The following OPCML variants were observed in gnomAD, a reference collection of about 807,000 sequenced individuals.
OPCML encodes opioid binding protein/cell adhesion molecule like.
In OPCML, 13 loss-of-function variants were observed where a neutral mutation model predicts 37.8. That is an observed-to-expected ratio of 0.34 (90% CI 0.22 to 0.55). OPCML has a LOEUF of 0.55. Ranked by LOEUF, OPCML falls within the 20% of genes least tolerant of loss-of-function variation. OPCML has a pLI of 0.91. For missense variants in OPCML, 341 were observed against 435.6 expected, an observed-to-expected ratio of 0.78 and a Z score of 1.93; for synonymous variants, 176 against 168.8, an observed-to-expected ratio of 1.04 and a Z score of -0.33.
At chr11:132,818,643 A>AGTGT (rs200336925) in intron 2 of OPCML, among the ~76,000 whole-genome samples, 1,133 of 53,220 alleles carry the variant, frequency 0.021, 27 homozygotes, top group Non-Finnish European at 0.023. Flanking sequence ...GATAGATATG[A>AGTGT]GTGTATATAT....
chr11:133,483,802 TA>T lies in OPCML; in HGVS notation c.61+48461del, dbSNP rs140090963. On this transcript the variant is annotated intron_variant, in intron 1 of 7. Coordinates refer to ENST00000524381, the MANE Select transcript of OPCML (RefSeq NM_001012393.5). ...GATGGATAGATACATAGATGATAGATAGATAGATAGATAGATAGATAGATAG... is the reference window on the plus strand; with the variant it reads ...GATGGATAGATACATAGATGATAGATGATAGATAGATAGATAGATAGATAG... 4.0e-5 allele frequency among the ~76,000 whole-genome samples: 3 copies of T among 74,746 alleles called. No homozygotes were observed. In the African/African-American group the frequency reaches 4.2e-4, roughly 11 times the overall value. 49.0% of individuals were successfully genotyped at this position (74,746 alleles called of 152,430 possible). A position where few individuals can be genotyped will look rare whatever the true frequency, so the allele number is the denominator to read the frequency against.
intron 1 of OPCML, among the ~76,000 whole-genome samples, chr11:133,133,948 A>T (rs2137143160): frequency 6.6e-6 from 1 of 152,282 alleles, no homozygotes; most frequent in Middle Eastern, 3.4e-3. Context: ...ATCCAATATC[A>T]CACGGGACAA....
intron 1 of OPCML, chr11:133,298,531 A>G (rs1942690783): frequency 6.6e-6 from 1 of 152,220 alleles, no homozygotes; most frequent in Non-Finnish European, 1.5e-5. Context: ...AGAGGATGCC[A>G]TCCCTACAAT....
At chr11:132,749,705 C>T (rs1164792605) in intron 2 of OPCML, among the ~76,000 whole-genome samples, 1 of 151,988 alleles carries the variant, frequency 6.6e-6, no homozygotes, top group Non-Finnish European at 1.5e-5. Context: ...GAACTGAGCT[C>T]TGAGAAATCC....
chr11:132,721,569 A>T (rs1294661575), intron 2 of OPCML, among the ~76,000 whole-genome samples: 3 of 152,158 alleles, frequency 2.0e-5, no homozygotes, highest in African/African-American at 7.2e-5. Flanking sequence ...GCAGAATATT[A>T]AGCAGAGAAG....
intron 1 of OPCML, among the ~76,000 whole-genome samples, chr11:132,980,575 A>G (rs1015269028): frequency 6.6e-6 from 1 of 152,214 alleles, no homozygotes; most frequent in Non-Finnish European, 1.5e-5. Context: ...GTTAGCAAGG[A>G]ATGCACTTGA....
At chr11:132,769,113 A>C (rs1418808845) in intron 2 of OPCML, among the ~76,000 whole-genome samples, 1 of 114,642 alleles carries the variant, frequency 8.7e-6, no homozygotes, top group African/African-American at 3.4e-5. Context: ...CACCACTGGG[A>C]ACGGGAAAGG....
rs993752318 is a variant in OPCML, at chr11:133,293,937, A to C, written c.61+238327T>G. On this transcript the variant is annotated intron_variant, in intron 1 of 7. Coordinates refer to ENST00000524381, the MANE Select transcript of OPCML (RefSeq NM_001012393.5). The stretch of plus-strand genomic sequence containing the variant: ...ACACACACACACACACACACACACA[A>C]AAGCATCCAGATGGTTTACAAAGAA... Among the ~76,000 whole-genome samples, 18 of 147,774 alleles carry C rather than the reference A, an allele frequency of 1.2e-4. 1 individual carries two copies. Among genetic ancestry groups the C allele is most frequent in the African/African-American group, 3.8e-4 (15 of 39,738 alleles).
chr11:132,817,165 G>A (rs1461499536), intron 2 of OPCML: 1 of 152,318 alleles, frequency 6.6e-6, no homozygotes, highest in East Asian at 1.9e-4. Flanking sequence ...GTGGCTTGAT[G>A]TGATGGTTGA....
intron 4 of OPCML, among the ~76,000 whole-genome samples, chr11:132,477,303 C>T (rs1284504876): frequency 6.6e-6 from 1 of 152,168 alleles, no homozygotes; most frequent in Non-Finnish European, 1.5e-5. Flanking sequence ...CAGGTAGTTC[C>T]AGAAGTACAC....
At chr11:132,975,991 C>T (rs1463649293) in intron 1 of OPCML, among the ~76,000 whole-genome samples, 2 of 152,094 alleles carry the variant, frequency 1.3e-5, no homozygotes, top group Admixed American at 6.6e-5. Context: ...AGGATGGTCT[C>T]GATCTCCTGA....
intron 2 of OPCML, among the ~76,000 whole-genome samples, chr11:132,877,973 G>A (rs1345289778): frequency 6.6e-6 from 1 of 152,144 alleles, no homozygotes; most frequent in African/African-American, 2.4e-5. Context: ...AATAGGTCAG[G>A]AGAGCAAGAC....
chr11:132,955,029 G>C (rs1159221811), intron 1 of OPCML, among the ~76,000 whole-genome samples: 1 of 152,142 alleles, frequency 6.6e-6, no homozygotes, highest in Non-Finnish European at 1.5e-5. Context: ...TTTGCAGAAG[G>C]TGTTTTGCTG....
intron 1 of OPCML, chr11:133,419,311 G>T: frequency 1.0e-6 from 1 of 985,360 alleles, no homozygotes; most frequent in Middle Eastern, 5.2e-4. Flanking sequence ...GGTGTAAACT[G>T]GAAAATAGGC....
rs137937284 is a variant in OPCML at position 133,279,730 on chromosome 11, A to G, written c.61+252534T>C. On this transcript the variant is annotated intron_variant, in intron 1 of 7. Transcript: ENST00000524381. ...TTATTGAAATATGTCTTCCCACAGC[A>G]GGCAGAGAAATGAAAATTTCTCTTA... 8.4e-3 allele frequency among the ~76,000 whole-genome samples: 1,276 copies of G among 152,322 alleles called. 21 individuals are homozygous for G. The highest frequency in any genetic ancestry group is 0.029 in the African/African-American group (1,200 of 41,564).
At chr11:132,785,335 A>G (rs1007658808) in intron 2 of OPCML, among the ~76,000 whole-genome samples, 2 of 152,178 alleles carry the variant, frequency 1.3e-5, no homozygotes, top group African/African-American at 2.4e-5. Context: ...CACTTGCTCA[A>G]TCTCACCAGC....
At chr11:133,025,794 T>C (rs1255149879) in intron 1 of OPCML, among the ~76,000 whole-genome samples, 11 of 143,450 alleles carry the variant, frequency 7.7e-5, no homozygotes, top group Non-Finnish European at 1.2e-4. Flanking sequence ...AGTGCAGTGG[T>C]GCGATCTTGG....
intron 1 of OPCML, among the ~76,000 whole-genome samples, chr11:133,027,111 G>A (rs2136914729): frequency 6.6e-6 from 1 of 152,316 alleles, no homozygotes; most frequent in Admixed American, 6.5e-5. Flanking sequence ...TGGCCTCTCT[G>A]TGTCTCAGTT....
chr11:133,436,238 A>G (rs2136926998), intron 1 of OPCML, among the ~76,000 whole-genome samples: 1 of 152,292 alleles, frequency 6.6e-6, no homozygotes, highest in East Asian at 1.9e-4. Context: ...AATAATAACA[A>G]AAACCTAGGA....
Sources: gnomAD v4.1 joint callset for allele counts (sites outside exome capture counted in the v4.1 genomes callset) on GRCh38, gnomAD v4.1.1 for gene constraint, MANE v1.5 for transcripts, NCBI Gene and HGNC (gene_info 2026-07-23, HGNC 2026-07-21) for gene names.